Variants in ATXN10 observed in about 807,000 individuals in gnomAD.
ATXN10 encodes the protein ataxin-10.
Under a neutral mutation model 52.9 loss-of-function variants are expected in ATXN10, and 28 were observed. The observed-to-expected ratio is 0.53, with a 90% CI of 0.39 to 0.73. The LOEUF is 0.73. Ranked by LOEUF, ATXN10 falls within the 30% of genes least tolerant of loss-of-function variation. ATXN10 has a pLI of 0.00. For synonymous variants in ATXN10, 226 were observed against 221.5 expected, an observed-to-expected ratio of 1.02 and a Z score of -0.18; for missense variants, 565 against 577.0, an observed-to-expected ratio of 0.98 and a Z score of 0.21.
At position 45,833,891 on chromosome 22, in the gene ATXN10, G is replaced by A. The variant is rs974731647; in HGVS notation, c.1238-9100G>A. Among the ~76,000 whole-genome samples the A allele has an allele frequency of 6.6e-6, 1 of 152,188 alleles. No homozygotes were observed. The highest frequency in any genetic ancestry group is 2.4e-5 in the African/African-American group (1 of 41,430). On this transcript the variant is annotated intron_variant, in intron 10 of 11. Coordinates refer to ENST00000252934, the MANE Select transcript of ATXN10 (RefSeq NM_013236.4). The surrounding 1 kb of genome is among the most constrained non-coding windows in gnomAD (Gnocchi z 4.3). ...ATCGCGATCAGGGGAGCGGATGCCA[G>A]AGCCTGACTGCCTACTTCCAAATCC...
intron 9 of ATXN10, 183 bp downstream of exon 9, chr22:45,740,721 T>TAC (rs1230744657): frequency 7.9e-5 from 29 of 365,102 alleles, no homozygotes; most frequent in African/African-American, 7.5e-4. Flanking sequence ...CACACACACA[T>TAC]ATATATACAC....
In ATXN10 at chr22:45,757,106, C is replaced by T. The variant is rs1926200812; in HGVS notation, c.1173+16568C>T. Among the ~76,000 whole-genome samples, 1 of 152,146 alleles carries T rather than the reference C, an allele frequency of 6.6e-6. No homozygotes were observed. Among genetic ancestry groups the T allele is most frequent in the African/African-American group, 2.4e-5 (1 of 41,426 alleles). On this transcript the variant is annotated intron_variant, in intron 9 of 11. Coordinates refer to ENST00000252934, the MANE Select transcript of ATXN10 (RefSeq NM_013236.4). This position sits in a 1 kb window ranked among gnomAD's most constrained non-coding sequence, Gnocchi z 4.6. Reference sequence around the variant, plus strand: ...GAATGGCTTTGGTCTGCACCTGCAGCTCTGGACGGACTGCCTGGGGCTGGG... The same window carrying T: ...GAATGGCTTTGGTCTGCACCTGCAGTTCTGGACGGACTGCCTGGGGCTGGG...
intron 9 of ATXN10, among the ~76,000 whole-genome samples, chr22:45,801,912 G>C (rs1472679283): frequency 5.9e-5 from 9 of 152,186 alleles, no homozygotes; most frequent in African/African-American, 2.2e-4. Flanking sequence ...CCTGGGAGGT[G>C]GGTATGGCCC....
In ATXN10 at chr22:45,825,267, T is replaced by A. The variant is rs1256826863; in HGVS notation, c.1238-17724T>A. On this transcript the variant is annotated intron_variant, in intron 10 of 11. Coordinates refer to ENST00000252934, the MANE Select transcript of ATXN10 (RefSeq NM_013236.4). The surrounding 1 kb of genome is among the most constrained non-coding windows in gnomAD (Gnocchi z 4.5). ...CCATTGTTGTAAGTCCTTCCACCTC[T>A]GGCTGAAGTGGCTTTCTGGGTATTT... Among the ~76,000 whole-genome samples the A allele has an allele frequency of 6.6e-6, 1 of 152,232 alleles. No homozygotes were observed. The highest frequency in any genetic ancestry group is 2.4e-5 in the African/African-American group (1 of 41,472).
intron 1 of ATXN10, chr22:45,676,821 C>T (rs1334496176): frequency 6.6e-6 from 1 of 152,364 alleles, no homozygotes; most frequent in Non-Finnish European, 1.5e-5. Flanking sequence ...ACTCTGTTGC[C>T]CAAGCTGGAG....
chr22:45,776,889 G>A (rs1370316121), intron 9 of ATXN10, among the ~76,000 whole-genome samples: 1 of 152,076 alleles, frequency 6.6e-6, no homozygotes, highest in Non-Finnish European at 1.5e-5. Context: ...CTTCATGGAA[G>A]GATCTGTACC....
rs528017303 is a variant in ATXN10 at position 45,834,370 on chromosome 22, C to T, written c.1238-8621C>T. Among the ~76,000 whole-genome samples, 33 of 152,310 alleles carry T rather than the reference C, an allele frequency of 2.2e-4. 1 individual carries two copies. The South Asian group carries it at 5.6e-3, about 26-fold the overall frequency. On this transcript the variant is annotated intron_variant, in intron 10 of 11. Coordinates refer to ENST00000252934, the MANE Select transcript of ATXN10 (RefSeq NM_013236.4). The stretch of plus-strand genomic sequence containing the variant: ...TTTCTACTGGGTTTCCATTGACTCC[C>T]ATTCATAAATCCCCTATCGTTAGGA...
intron 10 of ATXN10, among the ~76,000 whole-genome samples, chr22:45,834,550 G>T (rs1249819122): frequency 1.3e-5 from 2 of 152,176 alleles, no homozygotes; most frequent in Non-Finnish European, 2.9e-5. Context: ...CAGCATGAAG[G>T]CTGACATTGT....
At position 45,795,354 on chromosome 22, in the gene ATXN10, G is replaced by GATTCGATTCTATTCT. The variant is rs1274697813; in HGVS notation, c.1174-11601_1174-11600insGATTCTATTCTATTC. On this transcript the variant is annotated intron_variant, in intron 9 of 11. Coordinates refer to ENST00000252934, the MANE Select transcript of ATXN10 (RefSeq NM_013236.4). The surrounding 1 kb of genome is among the most constrained non-coding windows in gnomAD (Gnocchi z 4.6). ...ATCCAACTAAAAGACTACTAGAATG[G>GATTCGATTCTATTCT]ATTCTATTCTATTCTATTCTATTCT... Among the ~76,000 whole-genome samples the GATTCGATTCTATTCT allele has an allele frequency of 1.6e-5, 2 of 126,538 alleles. No homozygotes were observed. The highest frequency in any genetic ancestry group is 3.4e-5 in the Non-Finnish European group (2 of 59,490). The allele number at this position is 126,538 out of a possible 152,430, so 83.0% of individuals were successfully genotyped here.
rs1926893152 is a variant in ATXN10, at chr22:45,774,748, C to G, written c.1174-32211C>G. On this transcript the variant is annotated intron_variant, in intron 9 of 11. Transcript: ENST00000252934. The surrounding 1 kb of genome is among the most constrained non-coding windows in gnomAD (Gnocchi z 6.2). ...AGGAGTTTGAGACCAGCCTGACCAC[C>G]ATGGTGAAACCCTGTCTCTACTAAA... 1.3e-5 allele frequency among the ~76,000 whole-genome samples: 2 copies of G among 152,298 alleles called. No homozygotes were observed. The highest frequency in any genetic ancestry group is 1.3e-4 in the Admixed American group (2 of 15,302).
At position 45,833,179 on chromosome 22, in the gene ATXN10, T is replaced by TA. The variant is rs1412371522; in HGVS notation, c.1238-9811dup. 4.6e-5 allele frequency among the ~76,000 whole-genome samples: 7 copies of TA among 152,226 alleles called. No individual in the cohort carries two copies. The highest frequency in any genetic ancestry group is 8.8e-5 in the Non-Finnish European group (6 of 68,036). Reference sequence around the variant, plus strand: ...CTCCTGTGCTGACTTTGCAGCATCATAGAGTCCTTGGGAAGCGCACGCATC... The same window carrying TA: ...CTCCTGTGCTGACTTTGCAGCATCATAAGAGTCCTTGGGAAGCGCACGCATC... On this transcript the variant is annotated intron_variant, in intron 10 of 11. Transcript: ENST00000252934. The surrounding 1 kb of genome is among the most constrained non-coding windows in gnomAD (Gnocchi z 4.3).
chr22:45,817,496 T>C (rs945211374), intron 10 of ATXN10, among the ~76,000 whole-genome samples: 1 of 152,268 alleles, frequency 6.6e-6, no homozygotes, highest in East Asian at 1.9e-4. Context: ...GGCTAATTTT[T>C]GTATTTTCAG....
rs563346742 is a variant in ATXN10, at chr22:45,672,401, C to T, written c.116+222C>T. 47 of 289,420 alleles carry T rather than the reference C, an allele frequency of 1.6e-4. No homozygotes were observed. In the South Asian group the frequency reaches 6.1e-3, roughly 37 times the overall value. The allele number at this position is 289,420 out of a possible 1,614,324, so 17.9% of individuals were successfully genotyped here. ...TGGGGCGGGCGCCCCGCTCCCCCAC[C>T]GCAGCCAGTCCGGGTGCGAAGCCGC... On this transcript the variant is annotated intron_variant, in intron 1 of 11. Coordinates refer to ENST00000252934, the MANE Select transcript of ATXN10 (RefSeq NM_013236.4).
intron 9 of ATXN10, among the ~76,000 whole-genome samples, chr22:45,779,462 G>GTTT (rs1927071019): frequency 6.6e-6 from 1 of 152,176 alleles, no homozygotes; most frequent in South Asian, 2.1e-4. Context: ...GGCTTTTGTT[G>GTTT]TTGTTGTTGT....
rs1317829570 is a variant in ATXN10 at position 45,683,674 on chromosome 22, C to G, written c.117-6038C>G. ...CCTTATATTTTCTTCCAAAGCCTTGCAATTTTGTCTTCCATGTAATTCCTA... is the reference window on the plus strand; with the variant it reads ...CCTTATATTTTCTTCCAAAGCCTTGGAATTTTGTCTTCCATGTAATTCCTA... On this transcript the variant is annotated intron_variant, in intron 1 of 11. Coordinates refer to ENST00000252934, the MANE Select transcript of ATXN10 (RefSeq NM_013236.4). The surrounding 1 kb of genome is among the most constrained non-coding windows in gnomAD (Gnocchi z 4.8). Among the ~76,000 whole-genome samples the G allele has an allele frequency of 6.6e-6, 1 of 152,202 alleles. No individual in the cohort carries two copies. The highest frequency in any genetic ancestry group is 2.4e-5 in the African/African-American group (1 of 41,458).
intron 2 of ATXN10, among the ~76,000 whole-genome samples, chr22:45,692,746 A>C (rs2146741548): frequency 6.6e-6 from 1 of 152,344 alleles, no homozygotes; most frequent in Non-Finnish European, 1.5e-5. Flanking sequence ...CAATAAAGCA[A>C]AGAATCTGAG....
intron 9 of ATXN10, among the ~76,000 whole-genome samples, chr22:45,773,541 C>A (rs1305480401): frequency 6.6e-6 from 1 of 152,086 alleles, no homozygotes; most frequent in Non-Finnish European, 1.5e-5. Flanking sequence ...TCACTGCAAC[C>A]TCCACCTCCC....
intron 10 of ATXN10, among the ~76,000 whole-genome samples, chr22:45,831,345 T>G (rs1928985721): frequency 6.6e-6 from 1 of 152,112 alleles, no homozygotes; most frequent in Non-Finnish European, 1.5e-5. Flanking sequence ...GGATGCGAAA[T>G]TTTATGTTAC....
In ATXN10 at chr22:45,690,201, G is replaced by T. The variant is rs564031371; in HGVS notation, c.308+298G>T. ...TGAGGTGGGAGGATTGCTTGGGCCA[G>T]GGAGAGGCAGAGGTTGCAGTAATCT... On this transcript the variant is annotated intron_variant, in intron 2 of 11. Coordinates refer to ENST00000252934, the MANE Select transcript of ATXN10 (RefSeq NM_013236.4). This position sits in a 1 kb window ranked among gnomAD's most constrained non-coding sequence, Gnocchi z 4.5. Among the ~76,000 whole-genome samples, 2 of 152,130 alleles carry T rather than the reference G, an allele frequency of 1.3e-5. No homozygotes were observed. Among genetic ancestry groups the T allele is most frequent in the East Asian group, 3.9e-4 (2 of 5,172 alleles).
Sources: allele counts gnomAD v4.1 joint callset (sites outside exome capture counted in the v4.1 genomes callset), GRCh38; gene constraint gnomAD v4.1.1; non-coding constraint Gnocchi (gnomAD v3.1); transcripts MANE v1.5; gene names NCBI Gene and HGNC (gene_info 2026-07-23, HGNC 2026-07-21).